Variants in LONRF1 observed in about 807,000 individuals in gnomAD.
The protein encoded by LONRF1 is LON peptidase N-terminal domain and RING finger protein 1.
LONRF1 carries 37 observed loss-of-function variants against 85.8 expected under a neutral mutation model. The observed-to-expected ratio is 0.43, with a 90% CI of 0.33 to 0.57. LONRF1 has a LOEUF of 0.57. Among genes scored for constraint, LONRF1 ranks in the 20% least tolerant of loss-of-function variants. The pLI is 0.04. For synonymous variants in LONRF1, 517 were observed against 390.1 expected (o/e 1.33, Z -3.83); for missense variants, 1,036 against 978.0 (o/e 1.06, Z -0.79).
intron 1 of LONRF1, chr8:12,754,243 CGCG>C (rs1799533660): frequency 2.6e-5 from 4 of 154,292 alleles, no homozygotes; most frequent in Admixed American, 1.3e-4. Context: ...TAGTTGCCCT[CGCG>C]GGGGATTCTC....
At chr8:12,726,003 C>T in intron 10 of LONRF1, 124 bp from the exon 11 acceptor site, 1 of 795,098 alleles carries the variant, frequency 1.3e-6, no homozygotes, top group Non-Finnish European at 2.0e-6. Flanking sequence ...GTGCTGACGT[C>T]CCAGAGAGTA....
chr8:12,729,525 A>G (rs1798446819), intron 8 of LONRF1, 193 bp from the exon 9 acceptor site: 1 of 534,230 alleles, frequency 1.9e-6, no homozygotes, highest in Non-Finnish European at 3.3e-6. Flanking sequence ...ACACTGATGA[A>G]ATATTAATAC....
Position 12,754,775 on chromosome 8 carries a change from C to T in LONRF1, c.646G>A (p.Gly216Ser). ...PGQRERARAA[G>S]RLGELLHQGR... ...TGGTGCAGTAGCTCCCCGAGCCTGC[C>T]GGCCGCCCGGGCCCGCTCGCGCTGG... Residue 216 changes from glycine (G) to serine (S), a missense_variant, in exon 1 of 12, where the codon GGC becomes AGC. Around this residue, in one of 3 missense-constraint regions of LONRF1, gnomAD observed 742 missense variants for 614.4 expected, o/e 1.21. Transcript: ENST00000398246. The T allele has an allele frequency of 6.8e-7, 1 of 1,472,862 alleles. No individual in the cohort carries two copies. Among genetic ancestry groups the T allele is most frequent in the Non-Finnish European group, 8.9e-7 (1 of 1,120,490 alleles). The allele number at this position is 1,472,862 out of a possible 1,614,324, so 91.2% of individuals were successfully genotyped here. A position where few individuals can be genotyped will look rare whatever the true frequency, so the allele number is the denominator to read the frequency against.
At chr8:12,753,802 A>C (rs1051762592) in intron 1 of LONRF1, 1 of 152,118 alleles carries the variant, frequency 6.6e-6, no homozygotes, top group Admixed American at 6.5e-5. Context: ...TTGGAGACTA[A>C]GAAATGCACT....
rs1799011801 is a variant in LONRF1 at position 12,743,252 on chromosome 8, C to T, written c.752G>A (p.Arg251Lys). Residue 251 changes from arginine to lysine, a missense_variant, in exon 2 of 12, where the codon AGA (arginine) becomes AAA (lysine). Physicochemically the swap from Arg to Lys is conservative, Grantham distance 26. This residue lies in a region of LONRF1 where 742 missense variants were observed against 614.4 expected (regional missense o/e 1.21). Coordinates refer to ENST00000398246, the MANE Select transcript of LONRF1 (RefSeq NM_152271.5). Reference sequence around the variant, plus strand: ...TTGGAGACCAGCATATGATTCCGCTCTGTAAATTTTTACAATCAAGTCACT... The same window carrying T: ...TTGGAGACCAGCATATGATTCCGCTTTGTAAATTTTTACAATCAAGTCACT... ...EPSDLIVKIY[R>K]AESYAGLQEF... 6.2e-7 allele frequency: 1 copy of T among 1,610,768 alleles called. No individual in the cohort carries two copies. Among genetic ancestry groups the T allele is most frequent in the Non-Finnish European group, 8.5e-7 (1 of 1,178,028 alleles).
intron 10 of LONRF1, 31 bp downstream of exon 10, chr8:12,728,870 A>C: frequency 6.2e-7 from 1 of 1,612,838 alleles, no homozygotes; most frequent in Middle Eastern, 1.7e-4. Context: ...GGATATACGA[A>C]AGTATGCTGG....
rs1428343698 is a variant in LONRF1 at position 12,754,697 on chromosome 8, C to G, written c.721+3G>C. 1 of 1,359,278 alleles carries G rather than the reference C, an allele frequency of 7.4e-7. No individual in the cohort carries two copies. The highest frequency in any genetic ancestry group is 9.4e-7 in the Non-Finnish European group (1 of 1,066,256). The allele number at this position is 1,359,278 out of a possible 1,614,324, so 84.2% of individuals were successfully genotyped here. ...CGGCCCCGCCGCATCCCCGCGCGGTCACCTGCTCGCAGCGCCTCGCAGGCG... is the reference window on the plus strand; with the variant it reads ...CGGCCCCGCCGCATCCCCGCGCGGTGACCTGCTCGCAGCGCCTCGCAGGCG... On this transcript the variant is annotated splice_donor_region_variant and intron_variant, in intron 1 of 11. Transcript: ENST00000398246.
intron 1 of LONRF1, chr8:12,753,079 A>C (rs887468630): frequency 3.3e-5 from 5 of 152,182 alleles, no homozygotes; most frequent in African/African-American, 1.2e-4. Context: ...TCTTCTCTTT[A>C]TTCACCCAGA....
rs150502499 is a variant in LONRF1 at position 12,730,545 on chromosome 8, G to T, written c.1688+1191C>A. Among the ~76,000 whole-genome samples, 7 of 152,042 alleles carry T rather than the reference G, an allele frequency of 4.6e-5. No individual in the cohort carries two copies. The South Asian group carries it at 8.4e-4, about 18-fold the overall frequency. ...TCGCTTCTCTTCTCTCCAATGCGCA[G>T]CTCTCTGTGTGTCTCCCTCCTCTGT... On this transcript the variant is annotated intron_variant, in intron 8 of 11. Coordinates refer to ENST00000398246, the MANE Select transcript of LONRF1 (RefSeq NM_152271.5).
At chr8:12,735,161 T>G in intron 7 of LONRF1, 125 bp downstream of exon 7, 2 of 649,458 alleles carry the variant, frequency 3.1e-6, no homozygotes, top group Non-Finnish European at 2.7e-6. Flanking sequence ...ACATTATCCT[T>G]GTTAGTCACT....
rs1006050722 is a variant in LONRF1 at position 12,755,294 on chromosome 8, C to A, written c.127G>T (p.Ala43Ser). ...AGCAGCTCCCAGCGCTCCGACTCCG[C>A]GGCCGCGCGCTCCAGCCGATGGCCG... ...GSGHRLERAAAESERWELLLR... is the reference protein window; with the variant it reads ...GSGHRLERAASESERWELLLR... The change falls in exon 1 of 12, where the codon GCG becomes TCG. Residue 43 changes from alanine to serine, a missense_variant. By Grantham distance (99) the Ala-to-Ser change is moderately conservative (BLOSUM62 1). Transcript: ENST00000398246. 3.2e-6 allele frequency: 4 copies of A among 1,247,632 alleles called. No homozygotes were observed. Among genetic ancestry groups the A allele is most frequent in the African/African-American group, 1.6e-5 (1 of 63,432 alleles). The allele number at this position is 1,247,632 out of a possible 1,614,324, so 77.3% of individuals were successfully genotyped here.
intron 6 of LONRF1, among the ~76,000 whole-genome samples, chr8:12,736,097 G>C (rs1798705103): frequency 6.6e-6 from 1 of 152,130 alleles, no homozygotes; most frequent in Non-Finnish European, 1.5e-5. Flanking sequence ...TCAGAATTAA[G>C]ACTTGCTCAG....
At position 12,754,767 on chromosome 8, in the gene LONRF1, G is replaced by A. The variant is rs1242404688; in HGVS notation, c.654C>T (p.Leu218=). 7 of 1,470,436 alleles carry A rather than the reference G, an allele frequency of 4.8e-6. No individual in the cohort carries two copies. Among genetic ancestry groups the A allele is most frequent in the African/African-American group, 3.0e-5 (2 of 67,300 alleles). 91.1% of individuals were successfully genotyped at this position (1,470,436 alleles called of 1,614,324 possible). ...AGCGCCCCTGGTGCAGTAGCTCCCC[G>A]AGCCTGCCGGCCGCCCGGGCCCGCT... ...QRERARAAGR[L]GELLHQGRYR... Residue 218 remains leucine, a synonymous_variant, in exon 1 of 12, where the codon CTC becomes CTT. Transcript: ENST00000398246.
chr8:12,738,870 A>G (rs1798822279), intron 3 of LONRF1: 1 of 152,192 alleles, frequency 6.6e-6, no homozygotes, highest in African/African-American at 2.4e-5. Context: ...ATTTATAGGT[A>G]TAGCACATAT....
Position 12,743,164 on chromosome 8 carries a change from C to T in LONRF1, c.840G>A (p.Glu280=). The part of the protein sequence containing the change: ...AVLFQLPDWP[E]VYFRKGKVLC... The stretch of plus-strand genomic sequence containing the variant: ...TGCAAACATAAAACAGTAATTTTAC[C>T]TCAGGCCAATCTGGAAGTTGAAAAA... The change falls in exon 2 of 12, where the codon GAG becomes GAA. Residue 280 remains glutamate (E), a splice_region_variant and synonymous_variant. Coordinates refer to ENST00000398246, the MANE Select transcript of LONRF1 (RefSeq NM_152271.5). The T allele has an allele frequency of 6.3e-7, 1 of 1,590,312 alleles. No homozygotes were observed. Among genetic ancestry groups the T allele is most frequent in the East Asian group, 2.2e-5 (1 of 44,696 alleles).
At chr8:12,752,741 A>G (rs1799459093) in intron 1 of LONRF1, among the ~76,000 whole-genome samples, 1 of 152,252 alleles carries the variant, frequency 6.6e-6, no homozygotes, top group African/African-American at 2.4e-5. Flanking sequence ...CTCAATTATC[A>G]AAAGTGCTCA....
intron 4 of LONRF1, 196 bp from the exon 5 acceptor site, chr8:12,737,336 G>T: frequency 1.4e-6 from 1 of 724,722 alleles, no homozygotes; most frequent in Non-Finnish European, 2.5e-6. Context: ...GTATCCACAG[G>T]CTCTGCATCC....
Position 12,728,881 on chromosome 8 carries a change from C to G in LONRF1, c.2010+20G>C. 1.2e-6 allele frequency: 2 copies of G among 1,613,304 alleles called. No individual in the cohort carries two copies. The highest frequency in any genetic ancestry group is 1.7e-6 in the Non-Finnish European group (2 of 1,179,494). ...AACAGGATATACGAAAGTATGCTGG[C>G]AAAGCACATTTTAAAATACCTTAAC... On this transcript the variant is annotated intron_variant, in intron 10 of 11. Transcript: ENST00000398246.
At chr8:12,737,625 G>C (rs118118582) in intron 4 of LONRF1, among the ~76,000 whole-genome samples, 385 of 152,162 alleles carry the variant, frequency 2.5e-3, no homozygotes, top group East Asian at 4.3e-3. Flanking sequence ...ATCTCCCACA[G>C]ATACAAGGGA....
Sources: allele counts gnomAD v4.1 joint callset (sites outside exome capture counted in the v4.1 genomes callset), GRCh38; gene constraint gnomAD v4.1.1; regional missense constraint gnomAD v4.1.1; transcripts MANE v1.5; gene names NCBI Gene and HGNC (gene_info 2026-07-23, HGNC 2026-07-21).